PLGRKT: variants seen among roughly 807,000 people sequenced by gnomAD.
PLGRKT encodes plasminogen receptor (KT).
In PLGRKT, 22 loss-of-function variants were observed where a neutral mutation model predicts 18.5. The ratio of observed to expected loss-of-function variants is 1.19; its 90% CI spans 0.85 to 1.70. The LOEUF (loss-of-function observed/expected upper bound fraction) is 1.70, where lower values mean the gene tolerates loss of function less well. Among genes scored for constraint, PLGRKT ranks in the 40% most tolerant of loss-of-function variants. The probability of loss-of-function intolerance (pLI) is 0.00; values close to 1 mark genes in which losing one functional copy is unlikely to be tolerated. For synonymous variants in PLGRKT, 72 were observed against 52.8 expected (o/e 1.36, Z -1.58); for missense variants, 235 against 174.4 (o/e 1.35, Z -1.96).
At chr9:5,395,894 T>G (rs1563778166) in intron 3 of PLGRKT, among the ~76,000 whole-genome samples, 2 of 147,394 alleles carry the variant, frequency 1.4e-5, no homozygotes, top group East Asian at 1.9e-4. Flanking sequence ...AACAGTTTTT[T>G]TTTTTTTTTT....
intron 3 of PLGRKT, among the ~76,000 whole-genome samples, chr9:5,396,343 T>C (rs933375147): frequency 4.6e-5 from 7 of 151,904 alleles, no homozygotes; most frequent in South Asian, 2.1e-4. Context: ...TGGAGTACAA[T>C]GGTGTGATCT....
intron 3 of PLGRKT, among the ~76,000 whole-genome samples, chr9:5,407,156 T>A (rs1226812099): frequency 6.6e-6 from 1 of 152,194 alleles, no homozygotes; most frequent in Non-Finnish European, 1.5e-5. Flanking sequence ...ATCTAAAACA[T>A]GTACAATGAT....
intron 3 of PLGRKT, among the ~76,000 whole-genome samples, chr9:5,387,091 T>C (rs1314036741): frequency 2.0e-5 from 3 of 151,962 alleles, no homozygotes; most frequent in Non-Finnish European, 4.4e-5. Flanking sequence ...CAAAGCAGGT[T>C]CTGATTATGT....
At chr9:5,420,700 G>T (rs1249288383) in intron 3 of PLGRKT, among the ~76,000 whole-genome samples, 1 of 152,138 alleles carries the variant, frequency 6.6e-6, no homozygotes, top group Non-Finnish European at 1.5e-5. Flanking sequence ...TCCCTACAAA[G>T]ATTGTGCTGC....
intron 3 of PLGRKT, among the ~76,000 whole-genome samples, chr9:5,376,489 G>A (rs1197320749): frequency 6.6e-6 from 1 of 152,068 alleles, no homozygotes; most frequent in Non-Finnish European, 1.5e-5. Context: ...TTATTAATGA[G>A]AATGGCATAT....
chr9:5,398,218 G>C (rs912630231), intron 3 of PLGRKT, among the ~76,000 whole-genome samples: 1 of 151,958 alleles, frequency 6.6e-6, no homozygotes, highest in South Asian at 2.1e-4. Flanking sequence ...AGAAACATCA[G>C]GGGTGGGTTA....
intron 5 of PLGRKT, 103 bp from the exon 6 acceptor site, chr9:5,358,463 G>C: frequency 1.1e-6 from 1 of 910,622 alleles, no homozygotes; most frequent in East Asian, 2.5e-5. Context: ...CACCGTATGA[G>C]CCATGTCCCC....
intron 3 of PLGRKT, among the ~76,000 whole-genome samples, chr9:5,381,555 T>C (rs1303258432): frequency 6.6e-6 from 1 of 152,264 alleles, no homozygotes; most frequent in Non-Finnish European, 1.5e-5. Flanking sequence ...CAGGCAAAGT[T>C]TGCATTTACA....
chr9:5,437,904 G>A lies in PLGRKT; in HGVS notation c.-248C>T, dbSNP rs1050575135. The stretch of plus-strand genomic sequence containing the variant: ...CGCCCAGCGTCGGGATTGGCGCCCA[G>A]ACACAGTAGATGACGCACCTCAGCC... On this transcript the variant is annotated 5_prime_UTR_variant, in exon 1 of 6. Coordinates refer to ENST00000223864, the MANE Select transcript of PLGRKT (RefSeq NM_018465.4). The A allele has an allele frequency of 6.6e-6, 1 of 152,274 alleles. No homozygotes were observed. The highest frequency in any genetic ancestry group is 1.5e-5 in the Non-Finnish European group (1 of 68,074). The allele number at this position is 152,274 out of a possible 1,614,324, so 9.4% of individuals were successfully genotyped here.
chr9:5,387,666 CT>C (rs1817870015), intron 3 of PLGRKT, among the ~76,000 whole-genome samples: 1 of 129,680 alleles, frequency 7.7e-6, no homozygotes, highest in Non-Finnish European at 1.7e-5. Flanking sequence ...AGGAAGCCTC[CT>C]GCGGGGGGGC....
intron 3 of PLGRKT, 112 bp downstream of exon 3, chr9:5,431,785 G>A (rs1818830862): frequency 1.6e-6 from 1 of 628,590 alleles, no homozygotes; most frequent in Non-Finnish European, 2.9e-6. Context: ...TAAGGATGCA[G>A]CCCAAAGAAC....
Position 5,402,500 on chromosome 9 carries a change from T to C in PLGRKT, c.81+29397A>G, listed in dbSNP as rs1023665540. Among the ~76,000 whole-genome samples, 165 of 152,048 alleles carry C rather than the reference T, an allele frequency of 1.1e-3. 3 individuals carry two copies. The highest frequency in any genetic ancestry group is 3.9e-3 in the African/African-American group (162 of 41,314). On this transcript the variant is annotated intron_variant, in intron 3 of 5. Transcript: ENST00000223864. ...AGCCAGACCACATACCTAAACTCAC[T>C]GTCTCCCTACCCTCCAGACTCCTGC...
rs773772628 is a variant in PLGRKT, at chr9:5,361,151, C to T, written c.249G>A (p.Pro83=). ...TGAGGATAAAGCTTAATGGAACAAT[C>T]GGGACCAGGAAGGCTGGCTTCTTTT... ...IKKKKPAFLV[P]IVPLSFILTY... Residue 83 remains proline (P), a synonymous_variant, in exon 5 of 6, where the codon CCG becomes CCA. Coordinates refer to ENST00000223864, the MANE Select transcript of PLGRKT (RefSeq NM_018465.4). The T allele has an allele frequency of 6.8e-6, 11 of 1,610,456 alleles. No homozygotes were observed. The highest frequency in any genetic ancestry group is 6.8e-6 in the Non-Finnish European group (8 of 1,177,446).
chr9:5,429,935 C>G (rs1161126660), intron 3 of PLGRKT, among the ~76,000 whole-genome samples: 1 of 152,146 alleles, frequency 6.6e-6, no homozygotes, highest in Admixed American at 6.5e-5. Flanking sequence ...ACAACAACTA[C>G]GAGGAGAGTA....
chr9:5,398,881 T>C (rs535269500), intron 3 of PLGRKT, among the ~76,000 whole-genome samples: 1 of 151,822 alleles, frequency 6.6e-6, no homozygotes, highest in African/African-American at 2.4e-5. Flanking sequence ...TGAGAACCAG[T>C]CAATGCAGAA....
At chr9:5,410,612 G>T (rs1365128885) in intron 3 of PLGRKT, among the ~76,000 whole-genome samples, 2 of 152,116 alleles carry the variant, frequency 1.3e-5, no homozygotes, top group Admixed American at 6.5e-5. Flanking sequence ...GGCAGGGTTG[G>T]GAAAATTATG....
At chr9:5,358,614 A>G (rs796507074) in intron 5 of PLGRKT, among the ~76,000 whole-genome samples, 14 of 152,346 alleles carry the variant, frequency 9.2e-5, no homozygotes, top group African/African-American at 2.6e-4. Context: ...ACATCAAGAT[A>G]AGTAATTTTT....
intron 3 of PLGRKT, among the ~76,000 whole-genome samples, chr9:5,367,638 T>G (rs559716296): frequency 8.5e-5 from 13 of 152,270 alleles, no homozygotes; most frequent in African/African-American, 2.2e-4. Flanking sequence ...ATGAAAATCC[T>G]AGAATAAAAC....
chr9:5,388,755 TC>T (rs1394591794), intron 3 of PLGRKT, among the ~76,000 whole-genome samples: 2 of 152,080 alleles, frequency 1.3e-5, no homozygotes, highest in African/African-American at 2.4e-5. Flanking sequence ...AAACAGGACT[TC>T]CACTTAACCT....
Sources: allele counts gnomAD v4.1 joint callset (sites outside exome capture counted in the v4.1 genomes callset), GRCh38; gene constraint gnomAD v4.1.1; transcripts MANE v1.5; gene names NCBI Gene and HGNC (gene_info 2026-07-23, HGNC 2026-07-21).